Variants in RPA2 observed in about 807,000 individuals in gnomAD.
The protein encoded by RPA2 is replication protein A2.
A neutral mutation model predicts 33.4 loss-of-function variants in RPA2; 22 were observed. The observed-to-expected ratio is 0.66, with a 90% CI of 0.47 to 0.94. RPA2 has a LOEUF of 0.94. Ranked by LOEUF, RPA2 falls within the 40% of genes least tolerant of loss-of-function variation. The pLI, the probability that RPA2 is intolerant of heterozygous loss-of-function variation, is 0.00. For missense variants in RPA2, 279 were observed against 329.9 expected, an observed-to-expected ratio of 0.85 and a Z score of 1.19; for synonymous variants, 109 against 114.9, an observed-to-expected ratio of 0.95 and a Z score of 0.33.
chr1:27,906,404 A>T (rs1571618497), intron 4 of RPA2, among the ~76,000 whole-genome samples: 1 of 151,648 alleles, frequency 6.6e-6, no homozygotes, highest in Non-Finnish European at 1.5e-5. Context: ...ACAAAAAAGC[A>T]GGGGCTGGGT....
intron 4 of RPA2, among the ~76,000 whole-genome samples, chr1:27,900,482 G>A (rs2089954970): frequency 6.7e-6 from 1 of 148,974 alleles, no homozygotes; most frequent in Admixed American, 6.7e-5. Context: ...TTTGAGATAA[G>A]GTCTCGCTCT....
At chr1:27,910,248 C>T (rs185245464) in intron 2 of RPA2, among the ~76,000 whole-genome samples, 1 of 152,280 alleles carries the variant, frequency 6.6e-6, no homozygotes, top group East Asian at 1.9e-4. Context: ...ATATACACCT[C>T]TTAAGTTGTA....
intron 2 of RPA2, among the ~76,000 whole-genome samples, chr1:27,913,806 C>T (rs1486381633): frequency 6.6e-6 from 1 of 152,058 alleles, no homozygotes; most frequent in Non-Finnish European, 1.5e-5. Context: ...TCACACAAGA[C>T]TGATTCATTA....
chr1:27,906,126 T>C (rs28988922), intron 4 of RPA2, among the ~76,000 whole-genome samples: 1 of 151,926 alleles, frequency 6.6e-6, no homozygotes, highest in Admixed American at 6.6e-5. Context: ...TCCAATCACT[T>C]TGAGAGGCTG....
chr1:27,905,103 CTT>C (rs908525581), intron 4 of RPA2, among the ~76,000 whole-genome samples: 3 of 152,050 alleles, frequency 2.0e-5, no homozygotes, highest in Non-Finnish European at 2.9e-5. Flanking sequence ...TATAAAGACA[CTT>C]ATATATATGC....
intron 2 of RPA2, among the ~76,000 whole-genome samples, chr1:27,912,616 C>T (rs1391936071): frequency 1.3e-5 from 2 of 152,128 alleles, no homozygotes; most frequent in Non-Finnish European, 2.9e-5. Context: ...TTTTCCTACA[C>T]ATTGCCTTAC....
In RPA2 at chr1:27,902,069, A is replaced by T. The variant is rs187913877; in HGVS notation, c.334-4362T>A. On this transcript the variant is annotated intron_variant, in intron 4 of 8. Transcript: ENST00000373912. Reference sequence around the variant, plus strand: ...AAACCAAAGAAATACACATAAAAAAATGACAAAATTTTCACTGAAAAGACT... The same window carrying T: ...AAACCAAAGAAATACACATAAAAAATTGACAAAATTTTCACTGAAAAGACT... 7.3e-4 allele frequency among the ~76,000 whole-genome samples: 111 copies of T among 152,194 alleles called. 1 individual carries two copies. The highest frequency in any genetic ancestry group is 2.6e-3 in the African/African-American group (107 of 41,528).
chr1:27,914,779 G>A (rs2090150778), upstream of RPA2: 3 of 1,120,026 alleles, frequency 2.7e-6, no homozygotes, highest in Non-Finnish European at 3.9e-6. Flanking sequence ...GGTATCGCAA[G>A]AAATCAACCA....
rs898160262 is a variant in RPA2, at chr1:27,914,162, G to C, written c.18C>G (p.Phe6Leu). The C allele has an allele frequency of 3.7e-6, 6 of 1,613,442 alleles. No homozygotes were observed. The highest frequency in any genetic ancestry group is 3.3e-5 in the Admixed American group (2 of 59,930). The change falls in exon 2 of 9, where the codon TTC (phenylalanine) becomes TTG (leucine). Residue 6 changes from phenylalanine (F) to leucine (L), a missense_variant. Phe to Leu is a conservative substitution (Grantham distance 22). This residue lies in a region of RPA2 where 274 missense variants were observed against 310.3 expected (regional missense o/e 0.88). Transcript: ENST00000373912. ...CGTATGAGGAGCTGCCATAGCTTTC[G>C]AATCCACCTGTTTTGAACAACAGGA... MWNSG[F>L]ESYGSSSYGG... is the part of the protein sequence containing the mutation.
At position 27,914,411 on chromosome 1, in the gene RPA2, CCACCCCG is replaced by C. The variant is rs750010146; in HGVS notation, c.10+16_10+22del. On this transcript the variant is annotated intron_variant, in intron 1 of 8. Coordinates refer to ENST00000373912, the MANE Select transcript of RPA2 (RefSeq NM_002946.5). ...AACCTCCTGCGATTCTCTTCCTCCT[CCACCCCG>C]CACCCCCATCATTACTGTTCCACAT... is the stretch of plus-strand genomic sequence containing the variant. 1 of 1,610,758 alleles carries C rather than the reference CCACCCCG, an allele frequency of 6.2e-7. No individual in the cohort carries two copies. The highest frequency in any genetic ancestry group is 1.7e-5 in the Admixed American group (1 of 59,758).
chr1:27,912,645 A>G (rs1211577978), intron 2 of RPA2, among the ~76,000 whole-genome samples: 2 of 152,062 alleles, frequency 1.3e-5, no homozygotes, highest in Non-Finnish European at 1.5e-5. Flanking sequence ...TCTCAGAACC[A>G]CCCCGTGACA....
In RPA2 at chr1:27,914,489, G is replaced by A. The variant is rs766435146; in HGVS notation, c.-46C>T. ...AAGAGGCCGAGAAGGTGCGGGTCTG[G>A]GGGAATAGCGGAAAACCACAGAACG... On this transcript the variant is annotated 5_prime_UTR_variant, in exon 1 of 9. Coordinates refer to ENST00000373912, the MANE Select transcript of RPA2 (RefSeq NM_002946.5). 2 of 1,593,204 alleles carry A rather than the reference G, an allele frequency of 1.3e-6. No homozygotes were observed. The highest frequency in any genetic ancestry group is 1.7e-5 in the Admixed American group (1 of 57,246).
At chr1:27,896,031 A>G (rs1209003051) in intron 6 of RPA2, among the ~76,000 whole-genome samples, 2 of 151,768 alleles carry the variant, frequency 1.3e-5, no homozygotes, top group Non-Finnish European at 2.9e-5. Context: ...CTCCTGTTTT[A>G]TTTACTTCAG....
Position 27,896,951 on chromosome 1 carries a change from G to A in RPA2, c.525+54C>T, listed in dbSNP as rs2089899599. The A allele has an allele frequency of 3.0e-6, 4 of 1,324,744 alleles. No individual in the cohort carries two copies. The African/African-American group carries it at 5.9e-5, about 19-fold the overall frequency. The allele number at this position is 1,324,744 out of a possible 1,614,324, so 82.1% of individuals were successfully genotyped here. On this transcript the variant is annotated intron_variant, in intron 6 of 8. Coordinates refer to ENST00000373912, the MANE Select transcript of RPA2 (RefSeq NM_002946.5). ...AGGAAATCAAAGCTGGAACACAAAAGTAGCCTGTGTTCTTCCAGGGAAGAG... is the reference window on the plus strand; with the variant it reads ...AGGAAATCAAAGCTGGAACACAAAAATAGCCTGTGTTCTTCCAGGGAAGAG...
intron 8 of RPA2, among the ~76,000 whole-genome samples, chr1:27,893,604 T>C (rs1433199458): frequency 6.6e-6 from 1 of 151,874 alleles, no homozygotes; most frequent in Non-Finnish European, 1.5e-5. Flanking sequence ...AGCTAATGCC[T>C]GGCGAACTTT....
At chr1:27,900,589 G>A (rs1006286596) in intron 4 of RPA2, among the ~76,000 whole-genome samples, 3 of 152,010 alleles carry the variant, frequency 2.0e-5, no homozygotes, top group African/African-American at 7.3e-5. Context: ...AATAGCAGGA[G>A]AACTGGAATT....
intron 2 of RPA2, among the ~76,000 whole-genome samples, chr1:27,911,523 C>T (rs1471153760): frequency 1.3e-5 from 2 of 152,110 alleles, no homozygotes; most frequent in Non-Finnish European, 2.9e-5. Flanking sequence ...AAGATGAGAA[C>T]CAATCATCTA....
chr1:27,899,530 AACC>A (rs1238244759), intron 4 of RPA2, among the ~76,000 whole-genome samples: 3 of 147,300 alleles, frequency 2.0e-5, no homozygotes, highest in African/African-American at 7.9e-5. Context: ...AAAAAAAAAA[AACC>A]ACACAAACAA....
upstream of RPA2, chr1:27,914,717 T>C: frequency 2.5e-6 from 4 of 1,594,886 alleles, no homozygotes; most frequent in Non-Finnish European, 3.4e-6. Flanking sequence ...CGCGGCCATC[T>C]TTACGAAGGG....
Sources: gnomAD v4.1 joint callset for allele counts (sites outside exome capture counted in the v4.1 genomes callset) on GRCh38, gnomAD v4.1.1 for gene constraint, gnomAD v4.1.1 regional missense constraint, MANE v1.5 for transcripts, NCBI Gene and HGNC (gene_info 2026-07-23, HGNC 2026-07-21) for gene names.